The following ROBO1 variants were observed in gnomAD, a reference collection of about 807,000 sequenced individuals.
The protein encoded by ROBO1 is roundabout guidance receptor 1.
In ROBO1, 149 loss-of-function variants were observed where a neutral mutation model predicts 195.9. That is an observed-to-expected ratio of 0.76 (90% CI 0.67 to 0.87). The LOEUF is 0.87. Among genes scored for constraint, ROBO1 ranks in the 40% least tolerant of loss-of-function variants. The probability of loss-of-function intolerance (pLI) is 0.00; values close to 1 mark genes in which losing one functional copy is unlikely to be tolerated. For missense variants in ROBO1, 1,933 were observed against 2,068.3 expected, an observed-to-expected ratio of 0.93 and a Z score of 1.27; for synonymous variants, 816 against 733.2, an observed-to-expected ratio of 1.11 and a Z score of -1.82.
intron 2 of ROBO1, among the ~76,000 whole-genome samples, chr3:79,463,780 CT>C (rs1235666140): frequency 1.3e-5 from 2 of 152,110 alleles, no homozygotes; most frequent in Non-Finnish European, 2.9e-5. Context: ...ATGTTTTATT[CT>C]TATGTAATTC....
At chr3:79,566,573 AGG>A (rs557740516) in intron 2 of ROBO1, among the ~76,000 whole-genome samples, 1 of 152,114 alleles carries the variant, frequency 6.6e-6, no homozygotes. Context: ...AAAACCAGAG[AGG>A]GGGGATCCCA....
intron 3 of ROBO1, among the ~76,000 whole-genome samples, chr3:79,108,474 T>G (rs2108526777): frequency 6.6e-6 from 1 of 151,958 alleles, no homozygotes; most frequent in East Asian, 1.9e-4. Flanking sequence ...TATTAAAATA[T>G]AATGTTAATA....
chr3:79,692,603 G>A (rs1947328545), intron 1 of ROBO1, among the ~76,000 whole-genome samples: 1 of 151,732 alleles, frequency 6.6e-6, no homozygotes, highest in African/African-American at 2.4e-5. Context: ...ACGGATAGTG[G>A]GTTCTAAAAA....
At position 78,788,143 on chromosome 3, in the gene ROBO1, T is replaced by C. The variant is rs1178799025; in HGVS notation, c.500-41243A>G. Reference sequence around the variant, plus strand: ...TATTTTTTTTTCTTTTGAGACGGAGTCTGGCTCTGTCGCCCAGGCTGGAGT... The same window carrying C: ...TATTTTTTTTTCTTTTGAGACGGAGCCTGGCTCTGTCGCCCAGGCTGGAGT... On this transcript the variant is annotated intron_variant, in intron 4 of 30. Coordinates refer to ENST00000464233, the MANE Select transcript of ROBO1 (RefSeq NM_002941.4). 5.1e-4 allele frequency among the ~76,000 whole-genome samples: 75 copies of C among 147,168 alleles called. 1 individual carries two copies. The highest frequency in any genetic ancestry group is 1.0e-3 in the Non-Finnish European group (67 of 67,248).
At chr3:78,871,827 A>G (rs770125960) in intron 4 of ROBO1, among the ~76,000 whole-genome samples, 2 of 151,886 alleles carry the variant, frequency 1.3e-5, no homozygotes, top group Non-Finnish European at 2.9e-5. Context: ...TTTTGGTCTG[A>G]CACAGACCTA....
At chr3:79,641,557 T>C (rs1305353216) in intron 1 of ROBO1, among the ~76,000 whole-genome samples, 2 of 151,338 alleles carry the variant, frequency 1.3e-5, no homozygotes, top group African/African-American at 4.8e-5. Context: ...TAAAAATAAA[T>C]AATAAATAAA....
chr3:78,643,533 G>A (rs566557509), intron 21 of ROBO1, among the ~76,000 whole-genome samples: 8 of 152,150 alleles, frequency 5.3e-5, no homozygotes, highest in Non-Finnish European at 1.0e-4. Context: ...GGACACATAA[G>A]AGAATGCAAT....
At chr3:78,756,491 C>G (rs545317552) in intron 4 of ROBO1, among the ~76,000 whole-genome samples, 1 of 152,242 alleles carries the variant, frequency 6.6e-6, no homozygotes, top group East Asian at 1.9e-4. Flanking sequence ...TACACTGAAT[C>G]CCAAAAATCT....
chr3:79,243,059 C>T (rs1026894867), intron 2 of ROBO1, among the ~76,000 whole-genome samples: 20 of 146,226 alleles, frequency 1.4e-4, no homozygotes, highest in Middle Eastern at 3.6e-3. Context: ...GTTCAGTTCC[C>T]ACCTATGAGT....
At chr3:78,600,817 A>G (rs1003663719) in intron 29 of ROBO1, among the ~76,000 whole-genome samples, 7 of 152,186 alleles carry the variant, frequency 4.6e-5, no homozygotes, top group Non-Finnish European at 8.8e-5. Context: ...ATAAAATGTT[A>G]TTATAAGGAA....
intron 2 of ROBO1, among the ~76,000 whole-genome samples, chr3:79,436,844 T>C (rs2038906606): frequency 1.3e-5 from 2 of 152,046 alleles, no homozygotes; most frequent in South Asian, 4.1e-4. Flanking sequence ...TTTTAGCTTT[T>C]CGGGTTACAG....
intron 2 of ROBO1, among the ~76,000 whole-genome samples, chr3:79,322,241 C>T (rs1244119012): frequency 2.0e-5 from 3 of 152,150 alleles, no homozygotes; most frequent in African/African-American, 4.8e-5. Flanking sequence ...TATACACAGT[C>T]TTCTTTCTGA....
intron 2 of ROBO1, among the ~76,000 whole-genome samples, chr3:79,300,955 G>A (rs1335646551): frequency 6.6e-6 from 1 of 152,076 alleles, no homozygotes; most frequent in Non-Finnish European, 1.5e-5. Context: ...TCAGCGCCCT[G>A]TCAAAACACA....
chr3:78,854,284 T>A (rs2034264521), intron 4 of ROBO1, among the ~76,000 whole-genome samples: 2 of 147,808 alleles, frequency 1.4e-5, no homozygotes, highest in Non-Finnish European at 3.0e-5. Context: ...ATCAATATGA[T>A]GTATTATATA....
intron 1 of ROBO1, among the ~76,000 whole-genome samples, chr3:79,736,007 A>G (rs572577381): frequency 2.0e-5 from 3 of 152,294 alleles, no homozygotes; most frequent in South Asian, 4.1e-4. Context: ...GAAAAATAAG[A>G]TTTTGTTTTT....
intron 5 of ROBO1, among the ~76,000 whole-genome samples, chr3:78,735,119 G>A (rs1457659): frequency 0.7 from 106,736 of 152,026 alleles, 37,903 homozygotes; most frequent in South Asian, 0.79. Flanking sequence ...TTTGATCCAC[G>A]AAATATCTCA....
intron 2 of ROBO1, among the ~76,000 whole-genome samples, chr3:79,513,663 C>A (rs1940818726): frequency 6.6e-6 from 1 of 151,328 alleles, no homozygotes; most frequent in Non-Finnish European, 1.5e-5. Context: ...TAAGAGCCAG[C>A]ATTTACATTG....
intron 2 of ROBO1, among the ~76,000 whole-genome samples, chr3:79,166,323 T>A (rs1559706593): frequency 6.6e-6 from 1 of 152,214 alleles, no homozygotes; most frequent in Non-Finnish European, 1.5e-5. Context: ...TGGACAGCTG[T>A]ATTATTTATG....
intron 2 of ROBO1, among the ~76,000 whole-genome samples, chr3:79,452,723 C>T (rs141949172): frequency 6.6e-6 from 1 of 152,050 alleles, no homozygotes; most frequent in East Asian, 1.9e-4. Flanking sequence ...ATTTAGAATG[C>T]AACTTAGATT....
Sources: allele counts gnomAD v4.1 joint callset (sites outside exome capture counted in the v4.1 genomes callset), GRCh38; gene constraint gnomAD v4.1.1; transcripts MANE v1.5; gene names NCBI Gene and HGNC (gene_info 2026-07-23, HGNC 2026-07-21).